Variants in CBLB observed in about 807,000 individuals in gnomAD.
The protein encoded by CBLB is Cbl proto-oncogene B.
CBLB carries 31 observed loss-of-function variants against 104.9 expected under a neutral mutation model. The ratio of observed to expected loss-of-function variants is 0.30; its 90% confidence interval spans 0.22 to 0.40. CBLB has a LOEUF of 0.40. Among genes scored for constraint, CBLB ranks in the 10% least tolerant of loss-of-function variants. The pLI is 1.00. For synonymous variants in CBLB, 440 were observed against 422.6 expected, an observed-to-expected ratio of 1.04 and a Z score of -0.51; for missense variants, 1,062 against 1,214.6, an observed-to-expected ratio of 0.87 and a Z score of 1.87.
At chr3:105,719,400 G>A (rs565465983) in intron 10 of CBLB, among the ~76,000 whole-genome samples, 54 of 152,290 alleles carry the variant, frequency 3.5e-4, no homozygotes, top group Admixed American at 1.3e-3. Context: ...GATTATATCA[G>A]CCTGTCAACA....
chr3:105,773,366 T>A (rs1294066009), intron 4 of CBLB, among the ~76,000 whole-genome samples: 3 of 152,164 alleles, frequency 2.0e-5, no homozygotes, highest in African/African-American at 7.2e-5. Context: ...AATGATATAA[T>A]GGACTTTGGG....
chr3:105,810,568 T>TA (rs1358570399), intron 3 of CBLB, among the ~76,000 whole-genome samples: 1 of 151,920 alleles, frequency 6.6e-6, no homozygotes, highest in African/African-American at 2.4e-5. Flanking sequence ...AACCTCAAAA[T>TA]AAAAAATCAA....
chr3:105,665,551 TA>T (rs2064343536), intron 18 of CBLB, among the ~76,000 whole-genome samples: 1 of 146,850 alleles, frequency 6.8e-6, no homozygotes, highest in Non-Finnish European at 1.5e-5. Context: ...AAAATAAATT[TA>T]TATTTATATC....
At chr3:105,826,832 G>C (rs968795100) in intron 3 of CBLB, among the ~76,000 whole-genome samples, 1 of 151,980 alleles carries the variant, frequency 6.6e-6, no homozygotes, top group Non-Finnish European at 1.5e-5. Context: ...TTTCTATGTT[G>C]GTATGAAAGG....
chr3:105,726,909 T>C (rs2073724309), intron 9 of CBLB, among the ~76,000 whole-genome samples: 2 of 152,348 alleles, frequency 1.3e-5, no homozygotes, highest in Non-Finnish European at 2.9e-5. Flanking sequence ...TGCATAGTAT[T>C]CCATGGTGTA....
chr3:105,723,318 A>G (rs763125140), intron 9 of CBLB, among the ~76,000 whole-genome samples: 60 of 152,204 alleles, frequency 3.9e-4, no homozygotes, highest in Non-Finnish European at 7.6e-4. Context: ...ACCAATAAAT[A>G]ACTCATTTTC....
intron 18 of CBLB, among the ~76,000 whole-genome samples, chr3:105,665,521 T>C (rs2064339335): frequency 6.8e-6 from 1 of 146,822 alleles, no homozygotes; most frequent in Non-Finnish European, 1.5e-5. Context: ...AAATTATATC[T>C]ATTTCTATAT....
intron 13 of CBLB, among the ~76,000 whole-genome samples, chr3:105,685,983 A>C (rs2066951100): frequency 6.6e-6 from 1 of 152,230 alleles, no homozygotes; most frequent in South Asian, 2.1e-4. Flanking sequence ...GTGAAATTAT[A>C]GTTGAAGTTG....
chr3:105,848,999 G>A (rs1475461874), intron 3 of CBLB, among the ~76,000 whole-genome samples: 2 of 152,076 alleles, frequency 1.3e-5, no homozygotes, highest in Non-Finnish European at 2.9e-5. Context: ...TAGATCAATA[G>A]ATCTCATAAT....
chr3:105,859,434 G>A (rs529566909), intron 2 of CBLB, among the ~76,000 whole-genome samples: 3 of 152,196 alleles, frequency 2.0e-5, no homozygotes, highest in South Asian at 2.1e-4. Context: ...AGCGGATCAC[G>A]AGGTCAGGAG....
intron 7 of CBLB, among the ~76,000 whole-genome samples, chr3:105,739,239 A>G (rs1197374990): frequency 6.6e-6 from 1 of 151,868 alleles, no homozygotes; most frequent in Non-Finnish European, 1.5e-5. Context: ...GAAATTCCTA[A>G]TTTTTCTTTG....
intron 3 of CBLB, among the ~76,000 whole-genome samples, chr3:105,836,574 A>G (rs1194341380): frequency 1.3e-5 from 2 of 152,180 alleles, no homozygotes; most frequent in Non-Finnish European, 2.9e-5. Flanking sequence ...CTATTTCACA[A>G]ATATTTACGG....
In CBLB at chr3:105,867,997, T is replaced by C. The variant is rs545348363; in HGVS notation, c.-14-406A>G. Among the ~76,000 whole-genome samples the C allele has an allele frequency of 2.6e-5, 4 of 152,248 alleles. No individual in the cohort carries two copies. The East Asian group carries it at 7.7e-4, about 29-fold the overall frequency. On this transcript the variant is annotated intron_variant, in intron 1 of 18. Coordinates refer to ENST00000394030, the MANE Select transcript of CBLB (RefSeq NM_170662.5). ...AAAATACCAGAACAACTGAAGGTCCTATCATACATTTTGGGAGCCTTACGC... is the reference window on the plus strand; with the variant it reads ...AAAATACCAGAACAACTGAAGGTCCCATCATACATTTTGGGAGCCTTACGC...
chr3:105,762,548 C>T (rs994114471), intron 4 of CBLB: 2 of 152,342 alleles, frequency 1.3e-5, no homozygotes, highest in Admixed American at 6.5e-5. Flanking sequence ...AGCCTCAAGC[C>T]TTGGCAGCTT....
intron 3 of CBLB, among the ~76,000 whole-genome samples, chr3:105,845,719 T>G (rs1389708030): frequency 6.6e-6 from 1 of 152,098 alleles, no homozygotes; most frequent in Admixed American, 6.6e-5. Context: ...ACAGACTCCC[T>G]TTGTTTAACT....
intron 12 of CBLB, among the ~76,000 whole-genome samples, chr3:105,698,593 T>C (rs2068686021): frequency 7.3e-6 from 1 of 137,894 alleles, no homozygotes; most frequent in Non-Finnish European, 1.5e-5. Flanking sequence ...GCGGCAGTTT[T>C]TACCATTTGA....
intron 4 of CBLB, among the ~76,000 whole-genome samples, chr3:105,774,022 T>C (rs79547724): frequency 0.022 from 3,417 of 152,330 alleles, 90 homozygotes; most frequent in East Asian, 0.12. Context: ...AAAATTCATG[T>C]TAAAATTTAA....
chr3:105,670,157 A>G, intron 18 of CBLB, 76 bp downstream of exon 18: 2 of 1,202,676 alleles, frequency 1.7e-6, no homozygotes, highest in East Asian at 2.3e-5. Flanking sequence ...TATATAATGA[A>G]TAAGAAGGTG....
chr3:105,714,918 G>A (rs2071633952), intron 10 of CBLB, among the ~76,000 whole-genome samples: 1 of 152,072 alleles, frequency 6.6e-6, no homozygotes, highest in Non-Finnish European at 1.5e-5. Flanking sequence ...GTTCTAATGT[G>A]GCCATTAAGA....
Sources: gnomAD v4.1 joint callset for allele counts (sites outside exome capture counted in the v4.1 genomes callset) on GRCh38, gnomAD v4.1.1 for gene constraint, MANE v1.5 for transcripts, NCBI Gene and HGNC (gene_info 2026-07-23, HGNC 2026-07-21) for gene names.